The following CHN1 variants were observed in gnomAD, a reference collection of about 807,000 sequenced individuals.
CHN1 encodes the protein chimerin 1.
A neutral mutation model predicts 59.5 loss-of-function variants in CHN1; 37 were observed. The ratio of observed to expected loss-of-function variants is 0.62; its 90% CI spans 0.48 to 0.82. The LOEUF (loss-of-function observed/expected upper bound fraction) is 0.82, where lower values mean the gene tolerates loss of function less well. CHN1 is among the 40% of genes least tolerant of loss of function. The probability of loss-of-function intolerance (pLI) is 0.00; values close to 1 mark genes in which losing one functional copy is unlikely to be tolerated. For synonymous variants in CHN1, 206 were observed against 200.4 expected (o/e 1.03, Z -0.24); for missense variants, 469 against 571.0 (o/e 0.82, Z 1.82).
intron 6 of CHN1, among the ~76,000 whole-genome samples, chr2:174,858,342 T>C (rs1184592798): frequency 6.6e-6 from 1 of 152,224 alleles, no homozygotes; most frequent in Non-Finnish European, 1.5e-5. Context: ...TGATTCATGG[T>C]ATAAAGCAGA....
intron 3 of CHN1, among the ~76,000 whole-genome samples, chr2:174,921,825 C>T (rs1483124977): frequency 6.6e-6 from 1 of 152,180 alleles, no homozygotes; most frequent in Non-Finnish European, 1.5e-5. Context: ...ATGAAGGTAA[C>T]TGCTCCCATG....
chr2:174,888,669 T>G (rs1039363797), intron 5 of CHN1, among the ~76,000 whole-genome samples: 2 of 152,224 alleles, frequency 1.3e-5, no homozygotes, highest in Admixed American at 6.5e-5. Context: ...CATTTCACTT[T>G]ATCCACAATA....
rs1247934566 is a variant in CHN1, at chr2:174,994,863, A to T, written c.19+10031T>A. ...TCCTATCTTGATAGTCTTATATACA[A>T]GCTAGGGAATTTGGACTTAATGGTG... On this transcript the variant is annotated intron_variant, in intron 1 of 12. Transcript: ENST00000409900. Among the ~76,000 whole-genome samples, 7 of 152,084 alleles carry T rather than the reference A, an allele frequency of 4.6e-5. No individual in the cohort carries two copies. In the East Asian group the frequency reaches 1.3e-3, roughly 29 times the overall value.
At chr2:174,807,343 A>C (rs1236194714) in intron 11 of CHN1, among the ~76,000 whole-genome samples, 13 of 152,140 alleles carry the variant, frequency 8.5e-5, no homozygotes, top group Admixed American at 8.5e-4. Flanking sequence ...CATAGAGCCA[A>C]GCTTCAGTTT....
intron 11 of CHN1, among the ~76,000 whole-genome samples, chr2:174,806,491 C>T (rs1339198540): frequency 1.3e-5 from 2 of 152,174 alleles, no homozygotes; most frequent in Admixed American, 6.5e-5. Flanking sequence ...CCCTGTCCCT[C>T]GTTTGAAAGG....
At chr2:174,897,267 G>C (rs1688245589) in intron 5 of CHN1, among the ~76,000 whole-genome samples, 2 of 152,050 alleles carry the variant, frequency 1.3e-5, no homozygotes, top group Non-Finnish European at 2.9e-5. Context: ...TTTATTGTTT[G>C]GCACATTATA....
Position 174,962,015 on chromosome 2 carries a change from G to A in CHN1, c.20-9813C>T, listed in dbSNP as rs377073902. ...AAACATTTCATCGAGGGCCAGGCGC[G>A]GTGGCTCACGCCTGTAATCACAGCA... On this transcript the variant is annotated intron_variant, in intron 1 of 12. Transcript: ENST00000409900. 8.5e-5 allele frequency among the ~76,000 whole-genome samples: 13 copies of A among 152,260 alleles called. No homozygotes were observed. The East Asian group carries it at 1.2e-3, about 14-fold the overall frequency.
At chr2:174,988,248 A>C (rs1047436051) in intron 1 of CHN1, among the ~76,000 whole-genome samples, 1 of 151,452 alleles carries the variant, frequency 6.6e-6, no homozygotes, top group Non-Finnish European at 1.5e-5. Context: ...TCCCAGCTAC[A>C]CGGGAGGCTG....
chr2:174,842,780 T>C (rs1184640104), intron 7 of CHN1, among the ~76,000 whole-genome samples: 1 of 152,212 alleles, frequency 6.6e-6, no homozygotes, highest in Non-Finnish European at 1.5e-5. Context: ...CTTGAATCAG[T>C]AATTTTATTA....
At chr2:174,875,914 T>C (rs1352917508) in intron 6 of CHN1, 1 of 731,634 alleles carries the variant, frequency 1.4e-6, no homozygotes, top group African/African-American at 1.9e-5. Flanking sequence ...TTAAGCCAGC[T>C]AGATTTAAGA....
At chr2:174,812,123 C>G in intron 9 of CHN1, 186 bp downstream of exon 9, 1 of 429,874 alleles carries the variant, frequency 2.3e-6, no homozygotes, top group East Asian at 3.5e-5. Context: ...TTAAATGTAC[C>G]TTGAAATCAA....
At chr2:174,864,541 T>C (rs76086299) in intron 6 of CHN1, among the ~76,000 whole-genome samples, 30,593 of 152,202 alleles carry the variant, frequency 0.2, 4,007 homozygotes, top group Non-Finnish European at 0.31. Flanking sequence ...AAAATTTACC[T>C]GTATCTCATT....
intron 5 of CHN1, among the ~76,000 whole-genome samples, chr2:174,894,895 G>A (rs942870417): frequency 6.6e-5 from 10 of 151,908 alleles, no homozygotes; most frequent in South Asian, 2.1e-4. Flanking sequence ...TCTGAATAGC[G>A]TGATGAAATC....
intron 7 of CHN1, among the ~76,000 whole-genome samples, chr2:174,828,682 T>C (rs930183265): frequency 9.2e-5 from 14 of 152,198 alleles, no homozygotes; most frequent in Non-Finnish European, 2.9e-5. Flanking sequence ...CAAAATATAA[T>C]TAAAAAGCCA....
chr2:174,985,405 T>C (rs1314251764), intron 1 of CHN1, among the ~76,000 whole-genome samples: 1 of 152,192 alleles, frequency 6.6e-6, no homozygotes, highest in Non-Finnish European at 1.5e-5. Context: ...CGTCCTTCAT[T>C]ACCATTCCAC....
chr2:174,821,712 CAG>C (rs1462819311), intron 8 of CHN1: 3 of 456,730 alleles, frequency 6.6e-6, no homozygotes, highest in African/African-American at 6.1e-5. Context: ...ATCTTGGAAG[CAG>C]AGTTGGACCC....
intron 3 of CHN1, among the ~76,000 whole-genome samples, chr2:174,921,191 T>A (rs764940765): frequency 6.6e-6 from 1 of 152,170 alleles, no homozygotes; most frequent in African/African-American, 2.4e-5. Context: ...GGCCTGGGGA[T>A]TGGGGACACC....
In CHN1 at chr2:174,824,528, A is replaced by G; in HGVS notation, c.628-10T>C. 1 of 1,580,886 alleles carries G rather than the reference A, an allele frequency of 6.3e-7. No homozygotes were observed. The highest frequency in any genetic ancestry group is 2.3e-5 in the East Asian group (1 of 43,762). Reference sequence around the variant, plus strand: ...CTCTGAATGTATGCACCTGAAAAAAAAAAAGAGGGGCAAAGTCAGGAAAGG... The same window carrying G: ...CTCTGAATGTATGCACCTGAAAAAAGAAAAGAGGGGCAAAGTCAGGAAAGG... On this transcript the variant is annotated splice_polypyrimidine_tract_variant and intron_variant, in intron 7 of 12. Transcript: ENST00000409900.
intron 1 of CHN1, among the ~76,000 whole-genome samples, chr2:174,994,547 C>T (rs1016935207): frequency 5.3e-5 from 8 of 152,086 alleles, no homozygotes; most frequent in South Asian, 2.1e-4. Flanking sequence ...TGGGGGGACA[C>T]GAGACTATAA....
Sources: allele counts gnomAD v4.1 joint callset (sites outside exome capture counted in the v4.1 genomes callset), GRCh38; gene constraint gnomAD v4.1.1; transcripts MANE v1.5; gene names NCBI Gene and HGNC (gene_info 2026-07-23, HGNC 2026-07-21).